DPH5: variants seen among roughly 807,000 people sequenced by gnomAD.
The protein encoded by DPH5 is diphthine methyl ester synthase.
DPH5 carries 31 observed loss-of-function variants against 31.6 expected under a neutral mutation model. The ratio of observed to expected loss-of-function variants is 0.98; its 90% CI spans 0.74 to 1.32. DPH5 has a LOEUF of 1.32. DPH5 is among the 40% of genes most tolerant of loss of function. The pLI, the probability that DPH5 is intolerant of heterozygous loss-of-function variation, is 0.00. For synonymous variants in DPH5, 120 were observed against 115.0 expected (o/e 1.04, Z -0.28); for missense variants, 309 against 335.7 (o/e 0.92, Z 0.62).
At chr1:101,025,043 C>T in intron 2 of DPH5, 1 of 396,998 alleles carries the variant, frequency 2.5e-6, no homozygotes, top group Non-Finnish European at 4.5e-6. Context: ...GATAACTATC[C>T]CCCAGGAGTA....
chr1:100,991,751 T>C (rs1187227283), intron 7 of DPH5, among the ~76,000 whole-genome samples: 1 of 145,112 alleles, frequency 6.9e-6, no homozygotes, highest in Non-Finnish European at 1.5e-5. Flanking sequence ...ATTGCACCAC[T>C]GCACTCTAAC....
chr1:100,997,653 C>T (rs1230737020), intron 5 of DPH5, among the ~76,000 whole-genome samples: 1 of 152,216 alleles, frequency 6.6e-6, no homozygotes, highest in Non-Finnish European at 1.5e-5. Context: ...GCGTGAGCCA[C>T]CGCACCCGGC....
At chr1:101,007,510 G>A (rs1468764120) in intron 4 of DPH5, among the ~76,000 whole-genome samples, 5 of 152,022 alleles carry the variant, frequency 3.3e-5, no homozygotes, top group African/African-American at 1.2e-4. Context: ...TCAGGAGATT[G>A]AGACCATCCT....
intron 4 of DPH5, among the ~76,000 whole-genome samples, chr1:101,007,847 A>T (rs771065344): frequency 6.6e-6 from 1 of 152,180 alleles, no homozygotes; most frequent in Non-Finnish European, 1.5e-5. Flanking sequence ...TCAATTTATT[A>T]AGCAAATTTT....
intron 4 of DPH5, among the ~76,000 whole-genome samples, chr1:101,011,329 A>G (rs1659623365): frequency 6.6e-6 from 1 of 152,242 alleles, no homozygotes; most frequent in Non-Finnish European, 1.5e-5. Context: ...TGATCACTAT[A>G]TAAGACAGAA....
At chr1:100,993,597 TAG>T (rs1553247256) in intron 6 of DPH5, among the ~76,000 whole-genome samples, 2 of 130,110 alleles carry the variant, frequency 1.5e-5, no homozygotes, top group African/African-American at 5.8e-5. Flanking sequence ...TATATATATA[TAG>T]CTATTGTGGC....
chr1:100,995,187 A>AAG, intron 5 of DPH5, 38 bp from the exon 6 acceptor site: 2 of 1,446,394 alleles, frequency 1.4e-6, no homozygotes, highest in Non-Finnish European at 9.7e-7. Flanking sequence ...ATTTAATTAA[A>AAG]AGCTTTATCC....
In DPH5 at chr1:101,025,755, G is replaced by A. The variant is rs773901355; in HGVS notation, c.-96C>T. On this transcript the variant is annotated 5_prime_UTR_variant, in exon 1 of 8. Coordinates refer to ENST00000370109, the MANE Select transcript of DPH5 (RefSeq NM_015958.3). ...CTACCACCTTTCCGCAGAAGCAACT[G>A]CAAAAGCGCCGGCTCCGTGCAGAGA... 45 of 312,654 alleles carry A rather than the reference G, an allele frequency of 1.4e-4. No individual in the cohort carries two copies. The highest frequency in any genetic ancestry group is 2.7e-4 in the Non-Finnish European group (45 of 165,984). The allele number at this position is 312,654 out of a possible 1,614,324, so 19.4% of individuals were successfully genotyped here.
At chr1:101,019,882 GA>G (rs1479480361) in intron 3 of DPH5, among the ~76,000 whole-genome samples, 1 of 151,968 alleles carries the variant, frequency 6.6e-6, no homozygotes, top group African/African-American at 2.4e-5. Context: ...GGTAGCATCT[GA>G]GCTGTATACT....
chr1:101,016,216 T>C (rs1660064069), intron 3 of DPH5, among the ~76,000 whole-genome samples: 1 of 151,588 alleles, frequency 6.6e-6, no homozygotes, highest in African/African-American at 2.4e-5. Flanking sequence ...TAGCTGGGCG[T>C]GGTGGCAGGC....
intron 5 of DPH5, among the ~76,000 whole-genome samples, chr1:101,000,226 G>A (rs1658753189): frequency 6.6e-6 from 1 of 151,964 alleles, no homozygotes; most frequent in Admixed American, 6.6e-5. Flanking sequence ...CAAAATCATG[G>A]GCTTATTCTC....
Position 100,989,853 on chromosome 1 carries a change from A to G in DPH5, c.*555T>C, listed in dbSNP as rs17123581. On this transcript the variant is annotated 3_prime_UTR_variant, in exon 8 of 8. Transcript: ENST00000370109. ...TGGTCTGCTTTATGTGTACATCCTG[A>G]AAATTTGCCAAAATAGCAGCAACAA... 789 of 153,670 alleles carry G rather than the reference A, an allele frequency of 5.1e-3. 7 individuals are homozygous for G. The highest frequency in any genetic ancestry group is 0.038 in the East Asian group (197 of 5,194). The allele number at this position is 153,670 out of a possible 1,614,324, so 9.5% of individuals were successfully genotyped here. A position where few individuals can be genotyped will look rare whatever the true frequency, so the allele number is the denominator to read the frequency against.
At position 100,992,747 on chromosome 1, in the gene DPH5, G is replaced by A. The variant is rs1657884948; in HGVS notation, c.531-7C>T. 1 of 1,598,436 alleles carries A rather than the reference G, an allele frequency of 6.3e-7. No individual in the cohort carries two copies. Among genetic ancestry groups the A allele is most frequent in the Non-Finnish European group, 8.6e-7 (1 of 1,166,956 alleles). ...TTCATAGATCTTCCTTCCCCTATAG[G>A]CAGAAAACTAGATGCCACTGTTCTT... is the stretch of plus-strand genomic sequence containing the variant. On this transcript the variant is annotated splice_region_variant and splice_polypyrimidine_tract_variant and intron_variant, in intron 6 of 7. Coordinates refer to ENST00000370109, the MANE Select transcript of DPH5 (RefSeq NM_015958.3).
At chr1:101,012,032 C>G (rs1034222958) in intron 4 of DPH5, among the ~76,000 whole-genome samples, 15 of 151,858 alleles carry the variant, frequency 9.9e-5, no homozygotes, top group African/African-American at 3.4e-4. Context: ...TCCCCAGTAG[C>G]TGGGATTACA....
intron 4 of DPH5, among the ~76,000 whole-genome samples, chr1:101,003,689 GATA>G (rs1403330798): frequency 6.6e-6 from 1 of 152,170 alleles, no homozygotes; most frequent in Non-Finnish European, 1.5e-5. Flanking sequence ...ATATAATAAT[GATA>G]ATGTTTTAAT....
chr1:101,020,393 G>C (rs1321720116), intron 3 of DPH5, among the ~76,000 whole-genome samples: 1 of 151,828 alleles, frequency 6.6e-6, no homozygotes, highest in African/African-American at 2.4e-5. Context: ...TCTTTTCCTG[G>C]CTTCTGTGAC....
chr1:101,008,846 T>C (rs1225904445), intron 4 of DPH5, among the ~76,000 whole-genome samples: 1 of 152,228 alleles, frequency 6.6e-6, no homozygotes, highest in Non-Finnish European at 1.5e-5. Flanking sequence ...TCCAAGCATA[T>C]GATTCAATGC....
chr1:101,003,538 C>A (rs1461711435), intron 4 of DPH5, among the ~76,000 whole-genome samples: 1 of 152,148 alleles, frequency 6.6e-6, no homozygotes, highest in Admixed American at 6.5e-5. Context: ...ATTCCCAATC[C>A]TTGGGAGGAA....
intron 4 of DPH5, 100 bp from the exon 5 acceptor site, chr1:101,001,687 T>A: frequency 1.0e-6 from 1 of 970,290 alleles, no homozygotes; most frequent in Admixed American, 2.9e-5. Flanking sequence ...AAAGTGAATA[T>A]CCAACTCGAA....
Sources: allele counts gnomAD v4.1 joint callset (sites outside exome capture counted in the v4.1 genomes callset), GRCh38; gene constraint gnomAD v4.1.1; transcripts MANE v1.5; gene names NCBI Gene and HGNC (gene_info 2026-07-23, HGNC 2026-07-21).